Variants in TPTE observed in about 807,000 individuals in gnomAD.
TPTE encodes putative tyrosine-protein phosphatase TPTE.
TPTE carries 59 observed loss-of-function variants against 84.1 expected under a neutral mutation model. The ratio of observed to expected loss-of-function variants is 0.70; its 90% CI spans 0.57 to 0.87. The LOEUF is 0.87. TPTE is among the 40% of genes least tolerant of loss of function. The pLI is 0.00. For missense variants in TPTE, 382 were observed against 659.6 expected (o/e 0.58, Z 4.61); for synonymous variants, 130 against 223.5 (o/e 0.58, Z 3.73).
At chr21:10,558,608 A>G (rs1568972451) in intron 8 of TPTE, among the ~76,000 whole-genome samples, 1 of 152,312 alleles carries the variant, frequency 6.6e-6, no homozygotes, top group Non-Finnish European at 1.5e-5. Flanking sequence ...TCTGCTCAGT[A>G]TCTGCCCTCT....
intron 21 of TPTE, among the ~76,000 whole-genome samples, chr21:10,601,292 C>G (rs1978469513): frequency 6.6e-6 from 1 of 152,310 alleles, no homozygotes; most frequent in Non-Finnish European, 1.5e-5. Flanking sequence ...ATCACGAGGT[C>G]AAGAGATCGA....
intron 17 of TPTE, 60 bp downstream of exon 17, chr21:10,578,665 A>T (rs2075213278): frequency 6.2e-7 from 1 of 1,611,180 alleles, no homozygotes; most frequent in Non-Finnish European, 8.5e-7. Context: ...TACATAAAGT[A>T]CAAGAACAAG....
At chr21:10,533,253 T>G (rs1161205386) in intron 3 of TPTE, among the ~76,000 whole-genome samples, 1 of 152,302 alleles carries the variant, frequency 6.6e-6, no homozygotes, top group African/African-American at 2.4e-5. Context: ...CAATTTATAT[T>G]TTTTGACAGT....
At chr21:10,557,165 T>C in intron 8 of TPTE, among the ~76,000 whole-genome samples, 1 of 152,310 alleles carries the variant, frequency 6.6e-6, no homozygotes, top group East Asian at 1.9e-4. Flanking sequence ...GTAATTGTTT[T>C]TAGGAAAGGT....
At chr21:10,570,032 C>T (rs1396937731) in intron 13 of TPTE, among the ~76,000 whole-genome samples, 1 of 152,306 alleles carries the variant, frequency 6.6e-6, no homozygotes, top group African/African-American at 2.4e-5. Flanking sequence ...TTCTGAGTCC[C>T]AGGGATCCCA....
At chr21:10,586,354 C>G (rs1203073227) in intron 17 of TPTE, among the ~76,000 whole-genome samples, 1 of 152,268 alleles carries the variant, frequency 6.6e-6, no homozygotes, top group Non-Finnish European at 1.5e-5. Context: ...TATTTCCAAA[C>G]ATATGAGAAT....
intron 7 of TPTE, among the ~76,000 whole-genome samples, chr21:10,549,530 TAA>T (rs1361711294): frequency 6.6e-6 from 1 of 152,296 alleles, no homozygotes; most frequent in Non-Finnish European, 1.5e-5. Context: ...CCCTAAGAGC[TAA>T]ACAGTTCAAT....
At chr21:10,589,564 A>G (rs2075427117) in intron 17 of TPTE, among the ~76,000 whole-genome samples, 2 of 152,312 alleles carry the variant, frequency 1.3e-5, no homozygotes, top group South Asian at 2.1e-4. Flanking sequence ...CAGGTTTGGG[A>G]AAATGCCGGC....
chr21:10,526,228 T>C (rs1416804646), intron 2 of TPTE, among the ~76,000 whole-genome samples: 1 of 152,310 alleles, frequency 6.6e-6, no homozygotes, highest in Non-Finnish European at 1.5e-5. Context: ...CACTTAGAAC[T>C]TGAAAGGTTC....
chr21:10,605,521 C>G lies in TPTE; in HGVS notation c.1625C>G (p.Thr542Ser). The G allele has an allele frequency of 6.2e-7, 1 of 1,614,220 alleles. No individual in the cohort carries two copies. Among genetic ancestry groups the G allele is most frequent in the Non-Finnish European group, 8.5e-7 (1 of 1,180,012 alleles). ...GAGATACTTTTTGGCGAGAAAATGA[C>G]TTCCAGTGATGTTGTAGCTGGATCC... ...AVEILFGEKM[T>S]SSDVVAGSD The change falls in exon 24 of 24, where the codon ACT becomes AGT. Residue 542 changes from threonine to serine, a missense_variant. Around this residue, in one of 10 missense-constraint regions of TPTE, gnomAD observed 120 missense variants for 79.1 expected, o/e 1.52. Coordinates refer to ENST00000618007, the MANE Select transcript of TPTE (RefSeq NM_199261.4).
intron 17 of TPTE, among the ~76,000 whole-genome samples, chr21:10,582,464 T>G (rs2075288188): frequency 6.6e-6 from 1 of 152,312 alleles, no homozygotes; most frequent in South Asian, 2.1e-4. Context: ...TTAAAATCAT[T>G]TTGTGAAGTG....
intron 7 of TPTE, among the ~76,000 whole-genome samples, chr21:10,544,681 A>C (rs375301395): frequency 6.6e-6 from 1 of 152,274 alleles, no homozygotes; most frequent in Non-Finnish European, 1.5e-5. Flanking sequence ...ATCAGATTGT[A>C]TGGAGGCCCT....
chr21:10,602,254 A>G (rs76538888), intron 22 of TPTE, 104 bp downstream of exon 22: 10,161 of 1,365,180 alleles, frequency 7.4e-3, no homozygotes, highest in African/African-American at 0.042. Context: ...GGTAGGGGGA[A>G]GAAAACAATA....
At chr21:10,553,645 A>G (rs1306865682) in intron 8 of TPTE, among the ~76,000 whole-genome samples, 2 of 152,306 alleles carry the variant, frequency 1.3e-5, no homozygotes, top group African/African-American at 4.8e-5. Context: ...AAGTCTCATT[A>G]CATAGATATA....
At chr21:10,534,336 A>G (rs2074230868) in intron 3 of TPTE, among the ~76,000 whole-genome samples, 1 of 152,306 alleles carries the variant, frequency 6.6e-6, no homozygotes, top group South Asian at 2.1e-4. Context: ...AGCCAGCCTA[A>G]TGCTCTCCTA....
intron 3 of TPTE, 118 bp from the exon 4 acceptor site, chr21:10,538,563 C>G: frequency 6.8e-7 from 1 of 1,479,400 alleles, no homozygotes; most frequent in Non-Finnish European, 9.3e-7. Context: ...TAGTGCTATA[C>G]ACATGAATAG....
At chr21:10,534,865 T>C (rs2074240548) in intron 3 of TPTE, among the ~76,000 whole-genome samples, 1 of 152,428 alleles carries the variant, frequency 6.6e-6, no homozygotes, top group Admixed American at 6.5e-5. Context: ...GCTAAAACTT[T>C]CAGAAAACTG....
intron 9 of TPTE, among the ~76,000 whole-genome samples, chr21:10,559,774 T>C (rs1350888687): frequency 2.0e-5 from 3 of 151,866 alleles, no homozygotes; most frequent in African/African-American, 7.3e-5. Flanking sequence ...CTCAGGAGGC[T>C]GAGGCAGAAG....
intron 17 of TPTE, among the ~76,000 whole-genome samples, chr21:10,589,497 A>T (rs866518181): frequency 2.6e-5 from 4 of 151,472 alleles, no homozygotes; most frequent in African/African-American, 9.8e-5. Context: ...GATTGGGGGC[A>T]CAAGATGGGT....
Sources: allele counts gnomAD v4.1 joint callset (sites outside exome capture counted in the v4.1 genomes callset), GRCh38; gene constraint gnomAD v4.1.1; regional missense constraint gnomAD v4.1.1; transcripts MANE v1.5; gene names NCBI Gene and HGNC (gene_info 2026-07-23, HGNC 2026-07-21).